Variants in PIH1D2 observed in about 807,000 individuals in gnomAD.
PIH1D2 encodes PIH1 domain-containing protein 2.
A neutral mutation model predicts 31.2 loss-of-function variants in PIH1D2; 25 were observed. That is an observed-to-expected ratio of 0.80 (90% CI 0.58 to 1.12). The LOEUF is 1.12. Among genes scored for constraint, PIH1D2 ranks in the 50% most tolerant of loss-of-function variants. The pLI is 0.00. For synonymous variants in PIH1D2, 116 were observed against 119.9 expected, an observed-to-expected ratio of 0.97 and a Z score of 0.21; for missense variants, 310 against 356.6, an observed-to-expected ratio of 0.87 and a Z score of 1.05.
downstream of PIH1D2, chr11:112,061,313 T>C (rs1555183264): frequency 8.3e-6 from 7 of 848,446 alleles, no homozygotes; most frequent in Non-Finnish European, 1.4e-5. Context: ...TGATATGATA[T>C]GATGTAATAT....
At chr11:112,063,457 A>G (rs1864763986), downstream of PIH1D2, 1 of 152,622 alleles carries the variant, frequency 6.6e-6, no homozygotes, top group African/African-American at 2.4e-5. Context: ...TATGTAAAAT[A>G]TTGTTACTAG....
chr11:112,072,887 A>G, intron 2 of PIH1D2, 111 bp downstream of exon 2: 1 of 1,108,138 alleles, frequency 9.0e-7, no homozygotes, highest in Non-Finnish European at 1.2e-6. Context: ...AACAAAACAA[A>G]ACAAAAAAAA....
chr11:112,055,324 A>G, the PIH1D2 span, among the ~76,000 whole-genome samples: 1 of 144,632 alleles, frequency 6.9e-6, no homozygotes, highest in Admixed American at 7.3e-5. Flanking sequence ...GCTCACTGCA[A>G]CCTCCGCCTC....
downstream of PIH1D2, among the ~76,000 whole-genome samples, chr11:112,064,911 G>A (rs1213363902): frequency 2.0e-5 from 3 of 147,294 alleles, no homozygotes; most frequent in Non-Finnish European, 4.4e-5. Flanking sequence ...CACAATATCA[G>A]CTCACTGCAA....
downstream of PIH1D2, among the ~76,000 whole-genome samples, chr11:112,060,458 C>T (rs112458207): frequency 0.025 from 3,776 of 151,778 alleles, 162 homozygotes; most frequent in African/African-American, 0.086. Flanking sequence ...CCACGCCCAG[C>T]GTAATTCTTT....
chr11:112,062,582 T>C, downstream of PIH1D2: 1 of 1,596,742 alleles, frequency 6.3e-7, no homozygotes, highest in East Asian at 2.2e-5. Flanking sequence ...TGATTCATTC[T>C]TAACAAGATA....
At chr11:112,070,203 T>C (rs1195168266) in intron 5 of PIH1D2, 6 of 608,452 alleles carry the variant, frequency 9.9e-6, no homozygotes, top group African/African-American at 1.9e-5. Flanking sequence ...AGAAGTGATA[T>C]CATGAAGTGT....
rs1305289509 is a variant in PIH1D2 at position 112,070,360 on chromosome 11, A to C, written c.813+76T>G. ...TCATTGTAAGCCCCTGAAATTATGT[A>C]GTTTGTTACTGTGGCATAATATATG... is the stretch of plus-strand genomic sequence containing the variant. On this transcript the variant is annotated intron_variant, in intron 5 of 5. Transcript: ENST00000280350. 2.7e-6 allele frequency: 4 copies of C among 1,499,206 alleles called. No individual in the cohort carries two copies. In the East Asian group the frequency reaches 9.1e-5, roughly 34 times the overall value. 92.9% of individuals were successfully genotyped at this position (1,499,206 alleles called of 1,614,324 possible).
chr11:112,058,619 G>T (rs1864276394), downstream of PIH1D2, among the ~76,000 whole-genome samples: 1 of 130,266 alleles, frequency 7.7e-6, no homozygotes, highest in African/African-American at 2.8e-5. Flanking sequence ...TGGGGGAAGG[G>T]GGGGGTGGGG....
intron 5 of PIH1D2, among the ~76,000 whole-genome samples, chr11:112,069,082 TC>T (rs1230749334): frequency 2.0e-5 from 3 of 149,500 alleles, no homozygotes; most frequent in Admixed American, 6.7e-5. Flanking sequence ...CACTGCAACT[TC>T]CGCCTCCCGG....
intron 5 of PIH1D2, among the ~76,000 whole-genome samples, chr11:112,069,580 C>T (rs919150494): frequency 1.3e-5 from 2 of 151,962 alleles, no homozygotes; most frequent in African/African-American, 4.8e-5. Flanking sequence ...CTCCGATACT[C>T]TTCAGATGTG....
chr11:112,065,919 G>A (rs1450017771), downstream of PIH1D2, among the ~76,000 whole-genome samples: 1 of 151,950 alleles, frequency 6.6e-6, no homozygotes, highest in African/African-American at 2.4e-5. Flanking sequence ...GATGGGGCAG[G>A]GGTAGGGGGC....
chr11:112,061,481 C>G (rs1864620259), downstream of PIH1D2: 1 of 341,694 alleles, frequency 2.9e-6, no homozygotes, highest in African/African-American at 2.1e-5. Flanking sequence ...TGTTTACTTT[C>G]TGGATATTTT....
downstream of PIH1D2, among the ~76,000 whole-genome samples, chr11:112,060,861 C>T (rs1423143927): frequency 3.3e-5 from 5 of 152,190 alleles, no homozygotes; most frequent in South Asian, 2.1e-4. Context: ...AGACATTTTC[C>T]GGCTGACATT....
downstream of PIH1D2, chr11:112,059,940 C>T: frequency 6.2e-7 from 1 of 1,612,980 alleles, no homozygotes; most frequent in Non-Finnish European, 8.5e-7. Context: ...GGTCAGTACT[C>T]CTGCAGGACT....
downstream of PIH1D2, among the ~76,000 whole-genome samples, chr11:112,064,791 C>T (rs1555183670): frequency 6.6e-6 from 1 of 151,596 alleles, no homozygotes; most frequent in African/African-American, 2.4e-5. Flanking sequence ...ATCATCATCA[C>T]TACTGGTAAG....
downstream of PIH1D2, among the ~76,000 whole-genome samples, chr11:112,066,325 C>G (rs1199613160): frequency 2.0e-5 from 3 of 152,126 alleles, no homozygotes; most frequent in Non-Finnish European, 4.4e-5. Context: ...ATGTCAACTA[C>G]TTTTTTTGTT....
Position 112,071,620 on chromosome 11 carries a change from C to G in PIH1D2, c.301+15G>C. ...ATAAAATTTTTACAATGTGCTTTCT[C>G]TCAATTATTTGTACCTGATATCTCA... On this transcript the variant is annotated intron_variant, in intron 3 of 5. Transcript: ENST00000280350. 1 of 1,610,478 alleles carries G rather than the reference C, an allele frequency of 6.2e-7. No individual in the cohort carries two copies. The highest frequency in any genetic ancestry group is 2.2e-5 in the East Asian group (1 of 44,834).
At chr11:112,055,861 T>TAC in the PIH1D2 span, among the ~76,000 whole-genome samples, 1 of 92,302 alleles carries the variant, frequency 1.1e-5, no homozygotes. Flanking sequence ...TTTTTTTTTT[T>TAC]TTTTTTTTTT....
Sources: gnomAD v4.1 joint callset for allele counts (sites outside exome capture counted in the v4.1 genomes callset) on GRCh38, gnomAD v4.1.1 for gene constraint, MANE v1.5 for transcripts, NCBI Gene and HGNC (gene_info 2026-07-23, HGNC 2026-07-21) for gene names.